The following PARD3B variants were observed in gnomAD, a reference collection of about 807,000 sequenced individuals.
The protein encoded by PARD3B is par-3 family cell polarity regulator beta.
In PARD3B, 103 loss-of-function variants were observed where a neutral mutation model predicts 130.2. The ratio of observed to expected loss-of-function variants is 0.79; its 90% CI spans 0.67 to 0.93. PARD3B has a LOEUF of 0.93. Among genes scored for constraint, PARD3B ranks in the 40% least tolerant of loss-of-function variants. The pLI is 0.00. For synonymous variants in PARD3B, 583 were observed against 553.2 expected, an observed-to-expected ratio of 1.05 and a Z score of -0.76; for missense variants, 1,609 against 1,499.2, an observed-to-expected ratio of 1.07 and a Z score of -1.21.
In PARD3B at chr2:205,065,400, A is replaced by T. The variant is rs537734960; in HGVS notation, c.504+17710A>T. On this transcript the variant is annotated intron_variant, in intron 4 of 22. Coordinates refer to ENST00000406610, the MANE Select transcript of PARD3B (RefSeq NM_001302769.2). ...CACACAAAAAAAGCTTTTTGTTTCCATAGAATAATTTCACATGGCCATAAA... is the reference window on the plus strand; with the variant it reads ...CACACAAAAAAAGCTTTTTGTTTCCTTAGAATAATTTCACATGGCCATAAA... Among the ~76,000 whole-genome samples the T allele has an allele frequency of 3.9e-5, 6 of 152,356 alleles. No individual in the cohort carries two copies. The South Asian group carries it at 1.0e-3, about 26-fold the overall frequency.
chr2:205,106,111 G>A (rs918364006), intron 5 of PARD3B, among the ~76,000 whole-genome samples: 38 of 151,478 alleles, frequency 2.5e-4, no homozygotes, highest in African/African-American at 9.2e-4. Context: ...TGGAGTATAG[G>A]AACTTAAAAA....
At chr2:204,807,790 A>G (rs926051718) in intron 2 of PARD3B, among the ~76,000 whole-genome samples, 9 of 152,008 alleles carry the variant, frequency 5.9e-5, no homozygotes, top group Non-Finnish European at 1.3e-4. Flanking sequence ...AATTAAAACA[A>G]TTTAACTTAT....
At chr2:204,870,516 A>G (rs2045592561) in intron 2 of PARD3B, among the ~76,000 whole-genome samples, 1 of 152,090 alleles carries the variant, frequency 6.6e-6, no homozygotes, top group African/African-American at 2.4e-5. Context: ...CTCTATCTCA[A>G]AGATGGAGGA....
rs1399573132 is a variant in PARD3B at position 205,241,060 on chromosome 2, T to C, written c.2141-4718T>C. ...AATTAAGTGAAAAGACACAGACTGT[T>C]TATTTATGCTTTTTAAAAAGATGCC... On this transcript the variant is annotated intron_variant, in intron 15 of 22. Coordinates refer to ENST00000406610, the MANE Select transcript of PARD3B (RefSeq NM_001302769.2). The surrounding 1 kb of genome is among the most constrained non-coding windows in gnomAD (Gnocchi z 4.2). 6.6e-6 allele frequency among the ~76,000 whole-genome samples: 1 copy of C among 152,154 alleles called. No homozygotes were observed. The highest frequency in any genetic ancestry group is 2.4e-5 in the African/African-American group (1 of 41,444).
intron 22 of PARD3B, among the ~76,000 whole-genome samples, chr2:205,557,894 T>C (rs2052963412): frequency 6.6e-6 from 1 of 152,088 alleles, no homozygotes; most frequent in Non-Finnish European, 1.5e-5. Context: ...GGCGTTGCTT[T>C]CCTCCCCCTG....
intron 18 of PARD3B, among the ~76,000 whole-genome samples, chr2:205,382,624 A>C (rs1179176745): frequency 6.6e-6 from 1 of 152,064 alleles, no homozygotes; most frequent in Non-Finnish European, 1.5e-5. Flanking sequence ...ATGGTGTTTC[A>C]ATGGTGATTT....
chr2:205,387,405 T>C lies in PARD3B; in HGVS notation c.2631-13608T>C, dbSNP rs74411662. On this transcript the variant is annotated intron_variant, in intron 18 of 22. Coordinates refer to ENST00000406610, the MANE Select transcript of PARD3B (RefSeq NM_001302769.2). ...TTTTCTGGTTCTTCTTTCTTTTCTT[T>C]CTTACTGATGCACTCAAATATTACT... Among the ~76,000 whole-genome samples, 494 of 152,310 alleles carry C rather than the reference T, an allele frequency of 3.2e-3. 2 individuals are homozygous for C. The highest frequency in any genetic ancestry group is 0.012 in the African/African-American group (478 of 41,562).
At chr2:205,068,450 G>A (rs1575693052) in intron 4 of PARD3B, among the ~76,000 whole-genome samples, 1 of 152,090 alleles carries the variant, frequency 6.6e-6, no homozygotes, top group Non-Finnish European at 1.5e-5. Context: ...TTAAAAAATT[G>A]TTTTTAAGGA....
chr2:205,156,337 C>A (rs1242397980), intron 10 of PARD3B, among the ~76,000 whole-genome samples: 16 of 151,170 alleles, frequency 1.1e-4, no homozygotes, highest in Middle Eastern at 6.8e-3. Context: ...GGGTGCAGCA[C>A]ACCAGCATGG....
intron 2 of PARD3B, among the ~76,000 whole-genome samples, chr2:204,899,221 TTCCCTCCTCTCCTTCCCTCCC>T (rs2046760523): frequency 1.1e-5 from 1 of 93,636 alleles, no homozygotes; most frequent in African/African-American, 4.7e-5. Flanking sequence ...CCTCCCCTCC[TTCCCTCCTCTCCTTCCCTCCC>T]TCCCTCCCTC....
rs1040122642 is a variant in PARD3B, at chr2:205,585,084, A to G, written c.3261-30372A>G. On this transcript the variant is annotated intron_variant, in intron 22 of 22. Transcript: ENST00000406610. The surrounding 1 kb of genome is among the most constrained non-coding windows in gnomAD (Gnocchi z 5.4). Reference sequence around the variant, plus strand: ...GGCACCAACCAAAATGGAGGCCTGGATAGTGGAGGCGTGAAAATAGATCCT... The same window carrying G: ...GGCACCAACCAAAATGGAGGCCTGGGTAGTGGAGGCGTGAAAATAGATCCT... 2.0e-5 allele frequency among the ~76,000 whole-genome samples: 3 copies of G among 152,180 alleles called. No individual in the cohort carries two copies. The highest frequency in any genetic ancestry group is 4.8e-5 in the African/African-American group (2 of 41,444).
intron 3 of PARD3B, among the ~76,000 whole-genome samples, chr2:205,010,519 A>T (rs1020657546): frequency 6.6e-6 from 1 of 152,232 alleles, no homozygotes; most frequent in African/African-American, 2.4e-5. Flanking sequence ...TCTAAGAAAG[A>T]TTACATGAGA....
At chr2:205,539,441 CT>C (rs1383494590) in intron 21 of PARD3B, among the ~76,000 whole-genome samples, 1 of 152,082 alleles carries the variant, frequency 6.6e-6, no homozygotes, top group East Asian at 1.9e-4. Context: ...TCGGTTTAAC[CT>C]TTTAGGTATC....
chr2:204,665,149 A>G (rs1470671631), intron 1 of PARD3B, among the ~76,000 whole-genome samples: 1 of 151,092 alleles, frequency 6.6e-6, no homozygotes, highest in Non-Finnish European at 1.5e-5. Context: ...TCAGCTTTTC[A>G]AAATCTTTAG....
chr2:205,524,529 G>A (rs963560131), intron 21 of PARD3B, among the ~76,000 whole-genome samples: 1 of 152,050 alleles, frequency 6.6e-6, no homozygotes, highest in African/African-American at 2.4e-5. Context: ...CTTCTTTTTG[G>A]CCCAGCCGTC....
chr2:205,498,080 A>G (rs2106336504), intron 20 of PARD3B, among the ~76,000 whole-genome samples: 1 of 151,022 alleles, frequency 6.6e-6, no homozygotes, highest in East Asian at 2.0e-4. Flanking sequence ...GGCGCCTGTA[A>G]TCTCAGCTAT....
At chr2:205,214,669 G>A (rs1308444085) in intron 15 of PARD3B, among the ~76,000 whole-genome samples, 2 of 151,986 alleles carry the variant, frequency 1.3e-5, no homozygotes, top group Non-Finnish European at 2.9e-5. Flanking sequence ...AATAATGCAA[G>A]TACAATCTAT....
chr2:204,752,872 C>T (rs1252297877), intron 2 of PARD3B, among the ~76,000 whole-genome samples: 2 of 152,138 alleles, frequency 1.3e-5, no homozygotes, highest in East Asian at 3.8e-4. Flanking sequence ...GCCGTCAATC[C>T]TGTAAACCAC....
chr2:205,604,384 G>A (rs112391763), intron 22 of PARD3B, among the ~76,000 whole-genome samples: 2,340 of 152,230 alleles, frequency 0.015, 61 homozygotes, highest in African/African-American at 0.052. Flanking sequence ...GAGCTTATGC[G>A]GAAACTCCCA....
Sources: allele counts gnomAD v4.1 joint callset (sites outside exome capture counted in the v4.1 genomes callset), GRCh38; gene constraint gnomAD v4.1.1; non-coding constraint Gnocchi (gnomAD v3.1); transcripts MANE v1.5; gene names NCBI Gene and HGNC (gene_info 2026-07-23, HGNC 2026-07-21).